Variants in CDH13 observed in about 807,000 individuals in gnomAD.
CDH13 encodes cadherin-13.
CDH13 carries 24 observed loss-of-function variants against 63.8 expected under a neutral mutation model. The ratio of observed to expected loss-of-function variants is 0.38; its 90% CI spans 0.27 to 0.53. The LOEUF (loss-of-function observed/expected upper bound fraction) is 0.53. Ranked by LOEUF, CDH13 falls within the 20% of genes least tolerant of loss-of-function variation. The probability of loss-of-function intolerance (pLI) is 0.85; values close to 1 mark genes in which losing one functional copy is unlikely to be tolerated. For missense variants in CDH13, 1,049 were observed against 903.1 expected (o/e 1.16, Z -2.07); for synonymous variants, 503 against 355.3 (o/e 1.42, Z -4.67).
At chr16:83,603,438 C>T (rs1044874113) in intron 8 of CDH13, among the ~76,000 whole-genome samples, 1 of 152,146 alleles carries the variant, frequency 6.6e-6, no homozygotes, top group Admixed American at 6.5e-5. Context: ...TACCATTTTA[C>T]AAATGAGCTT....
At chr16:83,159,776 A>G (rs72800238) in intron 4 of CDH13, among the ~76,000 whole-genome samples, 16,750 of 152,188 alleles carry the variant, frequency 0.11, 1,015 homozygotes, top group Middle Eastern at 0.23. Flanking sequence ...ATCGGTTTTT[A>G]AATTCTAATA....
chr16:82,710,950 A>C (rs1338586417), intron 1 of CDH13, among the ~76,000 whole-genome samples: 1 of 151,250 alleles, frequency 6.6e-6, no homozygotes, highest in Non-Finnish European at 1.5e-5. Flanking sequence ...TTTTACCCCA[A>C]CATTAAAAAA....
intron 3 of CDH13, among the ~76,000 whole-genome samples, chr16:83,105,981 T>G (rs1597346548): frequency 6.6e-6 from 1 of 152,246 alleles, no homozygotes; most frequent in Non-Finnish European, 1.5e-5. Context: ...ACAAAAGTTG[T>G]GATCAAGGAA....
chr16:83,671,543 C>G (rs1014814784), intron 9 of CDH13, among the ~76,000 whole-genome samples: 1 of 152,188 alleles, frequency 6.6e-6, no homozygotes, highest in African/African-American at 2.4e-5. Flanking sequence ...GCCACCATGC[C>G]TGGCCCAAAC....
intron 1 of CDH13, among the ~76,000 whole-genome samples, chr16:82,846,209 A>G (rs889886853): frequency 4.6e-5 from 7 of 152,192 alleles, no homozygotes; most frequent in Non-Finnish European, 8.8e-5. Context: ...AAAAGTTTCA[A>G]TCATCTTTCT....
At chr16:83,399,536 C>T (rs185767057) in intron 6 of CDH13, among the ~76,000 whole-genome samples, 27 of 152,238 alleles carry the variant, frequency 1.8e-4, no homozygotes, top group African/African-American at 5.1e-4. Context: ...GTGACCTTGA[C>T]GATCTTTCAT....
intron 7 of CDH13, among the ~76,000 whole-genome samples, chr16:83,580,260 A>T (rs1905438984): frequency 6.6e-6 from 1 of 152,044 alleles, no homozygotes; most frequent in Non-Finnish European, 1.5e-5. Context: ...ATGCTATGGA[A>T]CCACTGGGGC....
chr16:83,493,173 C>G (rs529174700), intron 7 of CDH13, among the ~76,000 whole-genome samples: 2 of 152,232 alleles, frequency 1.3e-5, no homozygotes, highest in South Asian at 2.1e-4. Flanking sequence ...TGATACTTAT[C>G]TATAAGCACT....
At chr16:83,478,271 C>A (rs1043112682) in intron 6 of CDH13, among the ~76,000 whole-genome samples, 3 of 152,132 alleles carry the variant, frequency 2.0e-5, no homozygotes, top group Non-Finnish European at 4.4e-5. Context: ...GGCACACGCT[C>A]CAGTTTGCCA....
rs966616621 is a variant in CDH13, at chr16:83,341,940, C to T, written c.637-2922C>T. On this transcript the variant is annotated intron_variant, in intron 5 of 13. Transcript: ENST00000567109. ...ATTCAAGCCTCAGCTGAAACATTCC[C>T]TCAGCAATAAGGTTTTCTCCACCAT... Among the ~76,000 whole-genome samples, 92 of 151,390 alleles carry T rather than the reference C, an allele frequency of 6.1e-4. 2 individuals are homozygous for T. The highest frequency in any genetic ancestry group is 2.1e-3 in the African/African-American group (85 of 41,332).
At chr16:83,713,273 C>G (rs1346938937) in intron 10 of CDH13, among the ~76,000 whole-genome samples, 2 of 152,204 alleles carry the variant, frequency 1.3e-5, no homozygotes, top group Non-Finnish European at 2.9e-5. Context: ...GCCAATCCAG[C>G]ACACACCAGA....
chr16:83,439,996 G>T (rs2072436050), intron 6 of CDH13, among the ~76,000 whole-genome samples: 1 of 152,218 alleles, frequency 6.6e-6, no homozygotes. Context: ...GAGTAGGGCT[G>T]ATGTGGTAGA....
At chr16:83,491,799 G>A (rs2074020254) in intron 7 of CDH13, among the ~76,000 whole-genome samples, 1 of 152,062 alleles carries the variant, frequency 6.6e-6, no homozygotes, top group African/African-American at 2.4e-5. Flanking sequence ...AAGATATTAG[G>A]GCTGTGAATG....
chr16:83,152,189 C>G (rs1434037291), intron 4 of CDH13, among the ~76,000 whole-genome samples: 2 of 152,136 alleles, frequency 1.3e-5, no homozygotes, highest in African/African-American at 4.8e-5. Flanking sequence ...CTTGCCACAT[C>G]TTTCTAAAAT....
At chr16:82,641,747 C>G (rs1251560485) in intron 1 of CDH13, among the ~76,000 whole-genome samples, 1 of 152,204 alleles carries the variant, frequency 6.6e-6, no homozygotes, top group Non-Finnish European at 1.5e-5. Flanking sequence ...TCAGCACTGA[C>G]TGAGTGCTCA....
intron 6 of CDH13, among the ~76,000 whole-genome samples, chr16:83,460,842 T>TA (rs36001774): frequency 0.97 from 136,567 of 140,668 alleles, 66,324 homozygotes; most frequent in South Asian, 0.99. Context: ...TACAAATAAT[T>TA]AAAAAAAAAA....
intron 6 of CDH13, among the ~76,000 whole-genome samples, chr16:83,443,589 A>T (rs2072548521): frequency 1.3e-5 from 2 of 151,922 alleles, no homozygotes; most frequent in Admixed American, 1.3e-4. Flanking sequence ...AATCAGTGTC[A>T]GACTGGGCTG....
chr16:83,245,765 C>T (rs1376145559), intron 5 of CDH13, among the ~76,000 whole-genome samples: 1 of 152,018 alleles, frequency 6.6e-6, no homozygotes, highest in Non-Finnish European at 1.5e-5. Context: ...TTTCCTGAGG[C>T]AGGGTCTCAC....
chr16:83,234,408 C>T lies in CDH13; in HGVS notation c.636+16911C>T, dbSNP rs77556433. On this transcript the variant is annotated intron_variant, in intron 5 of 13. Coordinates refer to ENST00000567109, the MANE Select transcript of CDH13 (RefSeq NM_001257.5). ...CCCCAAATAACCACCTGCCCCAAGG[C>T]CCTTTTGTCCACTGGAGAGGATAGG... Among the ~76,000 whole-genome samples, 141 of 152,274 alleles carry T rather than the reference C, an allele frequency of 9.3e-4. 2 individuals carry two copies. The East Asian group carries it at 0.016, about 18-fold the overall frequency.
Sources: allele counts gnomAD v4.1 joint callset (sites outside exome capture counted in the v4.1 genomes callset), GRCh38; gene constraint gnomAD v4.1.1; transcripts MANE v1.5; gene names NCBI Gene and HGNC (gene_info 2026-07-23, HGNC 2026-07-21).